Variants in NTN4 observed in about 807,000 individuals in gnomAD.
NTN4 encodes the protein netrin 4, also known as netrin-4.
In NTN4, 32 loss-of-function variants were observed where a neutral mutation model predicts 73.6. The ratio of observed to expected loss-of-function variants is 0.44; its 90% CI spans 0.33 to 0.58. The LOEUF (loss-of-function observed/expected upper bound fraction) is 0.58. Ranked by LOEUF, NTN4 falls within the 20% of genes least tolerant of loss-of-function variation. The probability of loss-of-function intolerance (pLI) is 0.04; values close to 1 mark genes in which losing one functional copy is unlikely to be tolerated. For synonymous variants in NTN4, 258 were observed against 287.5 expected (o/e 0.90, Z 1.04); for missense variants, 654 against 798.3 (o/e 0.82, Z 2.18).
At chr12:95,690,419 A>G (rs1250950420) in intron 5 of NTN4, among the ~76,000 whole-genome samples, 1 of 152,188 alleles carries the variant, frequency 6.6e-6, no homozygotes, top group Non-Finnish European at 1.5e-5. Flanking sequence ...GAAAGTAAAG[A>G]TTTTGCCTCT....
At chr12:95,776,775 G>A (rs1397757045) in intron 2 of NTN4, among the ~76,000 whole-genome samples, 1 of 152,148 alleles carries the variant, frequency 6.6e-6, no homozygotes, top group Non-Finnish European at 1.5e-5. Context: ...AACCTAGCAA[G>A]GCAGGCCAAC....
chr12:95,666,944 G>A (rs200781011), intron 8 of NTN4, among the ~76,000 whole-genome samples: 1 of 50,262 alleles, frequency 2.0e-5, no homozygotes, highest in Non-Finnish European at 4.3e-5. Flanking sequence ...GAAACAAAAA[G>A]TCTGTGCATA....
At chr12:95,705,968 C>T (rs1335552744) in intron 5 of NTN4, among the ~76,000 whole-genome samples, 1 of 152,222 alleles carries the variant, frequency 6.6e-6, no homozygotes, top group Non-Finnish European at 1.5e-5. Flanking sequence ...AATGTTCAGA[C>T]ATTTTCATGG....
At chr12:95,683,389 C>T (rs4762237) in intron 6 of NTN4, 109 bp downstream of exon 6, 65,327 of 1,023,078 alleles carry the variant, frequency 0.064, 2,444 homozygotes, top group Non-Finnish European at 0.074. Context: ...AAGAGATGTG[C>T]AAATACATCT....
Position 95,749,829 on chromosome 12 carries a change from T to C in NTN4, c.586-11685A>G, listed in dbSNP as rs1441541203. On this transcript the variant is annotated intron_variant, in intron 2 of 9. Coordinates refer to ENST00000343702, the MANE Select transcript of NTN4 (RefSeq NM_021229.4). ...GGGGGAGGGGCAAGTACCCCTCAAC[T>C]CCTTCTCCTTCACCCTTAGCGGCAA... 6.4e-4 allele frequency among the ~76,000 whole-genome samples: 83 copies of C among 129,068 alleles called. 1 individual carries two copies. The highest frequency in any genetic ancestry group is 1.3e-3 in the African/African-American group (42 of 33,094). The allele number at this position is 129,068 out of a possible 152,430, so 84.7% of individuals were successfully genotyped here. A position where few individuals can be genotyped will look rare whatever the true frequency, so the allele number is the denominator to read the frequency against.
intron 5 of NTN4, among the ~76,000 whole-genome samples, chr12:95,706,626 T>C (rs2078523717): frequency 6.6e-6 from 1 of 152,232 alleles, no homozygotes; most frequent in South Asian, 2.1e-4. Flanking sequence ...ATTTTTAGGT[T>C]GGCAGTTAAG....
chr12:95,735,346 T>TA (rs2078768427), intron 3 of NTN4, among the ~76,000 whole-genome samples: 1 of 152,170 alleles, frequency 6.6e-6, no homozygotes, highest in African/African-American at 2.4e-5. Flanking sequence ...TTTTACCCCC[T>TA]ACCTGGCCTT....
intron 7 of NTN4, among the ~76,000 whole-genome samples, chr12:95,678,640 T>C (rs9788093): frequency 6.6e-6 from 1 of 151,710 alleles, no homozygotes; most frequent in East Asian, 1.9e-4. Flanking sequence ...AAATGATGCA[T>C]GAGAACTACA....
At chr12:95,700,194 G>A (rs941476310) in intron 5 of NTN4, among the ~76,000 whole-genome samples, 4 of 144,196 alleles carry the variant, frequency 2.8e-5, no homozygotes, top group African/African-American at 1.0e-4. Context: ...AAACTCCTGG[G>A]CACAAGTGGT....
intron 5 of NTN4, among the ~76,000 whole-genome samples, chr12:95,699,246 A>G (rs1285370714): frequency 6.6e-6 from 1 of 152,240 alleles, no homozygotes; most frequent in Admixed American, 6.5e-5. Context: ...GAAAAAGCCC[A>G]CAAGTTACTA....
chr12:95,685,191 T>C (rs2078352390), intron 5 of NTN4, among the ~76,000 whole-genome samples: 1 of 152,162 alleles, frequency 6.6e-6, no homozygotes. Context: ...TTTATTCAAT[T>C]TTTCCTGGAT....
At position 95,740,498 on chromosome 12, in the gene NTN4, T is replaced by C. The variant is rs142540180; in HGVS notation, c.586-2354A>G. On this transcript the variant is annotated intron_variant, in intron 2 of 9. Coordinates refer to ENST00000343702, the MANE Select transcript of NTN4 (RefSeq NM_021229.4). Reference sequence around the variant, plus strand: ...ATATTTAGAAAGTCAGGGATTGCGCTTTTTGACCAGGTTCAAGCATACTTC... The same window carrying C: ...ATATTTAGAAAGTCAGGGATTGCGCCTTTTGACCAGGTTCAAGCATACTTC... Among the ~76,000 whole-genome samples, 19 of 152,350 alleles carry C rather than the reference T, an allele frequency of 1.2e-4. No homozygotes were observed. In the East Asian group the frequency reaches 3.7e-3, roughly 29 times the overall value.
intron 5 of NTN4, among the ~76,000 whole-genome samples, chr12:95,686,054 T>C (rs2078358518): frequency 6.6e-6 from 1 of 151,794 alleles, no homozygotes. Flanking sequence ...CCTGGCTAAT[T>C]TGTAATTTGT....
At chr12:95,738,959 TCTC>T (rs1404427925) in intron 2 of NTN4, among the ~76,000 whole-genome samples, 1 of 152,082 alleles carries the variant, frequency 6.6e-6, no homozygotes, top group African/African-American at 2.4e-5. Flanking sequence ...GACCTCCCAT[TCTC>T]CTCAGAACAA....
intron 5 of NTN4, among the ~76,000 whole-genome samples, chr12:95,704,931 A>G (rs931272874): frequency 1.3e-5 from 2 of 152,206 alleles, no homozygotes; most frequent in Admixed American, 1.3e-4. Context: ...ATTATGCTAA[A>G]AGAACTAAAT....
rs770051775 is a variant in NTN4 at position 95,683,690 on chromosome 12, C to A, written c.1202G>T (p.Gly401Val). ...ACKPCSCHPV[G>V]SAVLPANSVT... ...TGAGTTGGCAGGAAGGACAGCTGAT[C>A]CTACTGGATGGCAGGAACACGCTAC... Residue 401 changes from glycine (G) to valine (V), a missense_variant, in exon 6 of 10, where the codon GGA becomes GTA. Coordinates refer to ENST00000343702, the MANE Select transcript of NTN4 (RefSeq NM_021229.4). The A allele has an allele frequency of 6.2e-7, 1 of 1,610,648 alleles. No individual in the cohort carries two copies. Among genetic ancestry groups the A allele is most frequent in the South Asian group, 1.1e-5 (1 of 90,454 alleles).
At chr12:95,718,636 GA>G (rs141824351) in intron 3 of NTN4, among the ~76,000 whole-genome samples, 43,498 of 151,912 alleles carry the variant, frequency 0.29, 7,330 homozygotes, top group South Asian at 0.46. Flanking sequence ...AACATTCCTG[GA>G]ATCATCTGAA....
At chr12:95,669,988 A>C in intron 8 of NTN4, 90 bp downstream of exon 8, 1 of 674,156 alleles carries the variant, frequency 1.5e-6, no homozygotes, top group South Asian at 2.2e-5. Context: ...TTTATACACA[A>C]TGTCATCAGT....
At chr12:95,740,769 AT>A (rs1696564200) in intron 2 of NTN4, among the ~76,000 whole-genome samples, 1 of 152,198 alleles carries the variant, frequency 6.6e-6, no homozygotes, top group Admixed American at 6.5e-5. Context: ...CAACATAAAC[AT>A]CTTTATATAC....
Sources: allele counts gnomAD v4.1 joint callset (sites outside exome capture counted in the v4.1 genomes callset), GRCh38; gene constraint gnomAD v4.1.1; transcripts MANE v1.5; gene names NCBI Gene and HGNC (gene_info 2026-07-23, HGNC 2026-07-21).